Variants in L3MBTL3 observed in about 807,000 individuals in gnomAD.
L3MBTL3 encodes L3MBTL histone methyl-lysine binding protein 3.
Under a neutral mutation model 102.3 loss-of-function variants are expected in L3MBTL3, and 27 were observed. That is an observed-to-expected ratio of 0.26 (90% CI 0.19 to 0.36). The LOEUF is 0.36. Ranked by LOEUF, L3MBTL3 falls within the 10% of genes least tolerant of loss-of-function variation. The pLI is 1.00. For synonymous variants in L3MBTL3, 340 were observed against 320.9 expected, an observed-to-expected ratio of 1.06 and a Z score of -0.64; for missense variants, 798 against 955.3, an observed-to-expected ratio of 0.84 and a Z score of 2.17.
chr6:130,102,376 G>C (rs962687588), intron 18 of L3MBTL3, among the ~76,000 whole-genome samples: 7 of 152,118 alleles, frequency 4.6e-5, no homozygotes, highest in African/African-American at 1.7e-4. Flanking sequence ...TCCAAAAAGA[G>C]AAATAACTTT....
chr6:130,118,708 A>G (rs1476836199), intron 19 of L3MBTL3, among the ~76,000 whole-genome samples: 1 of 152,192 alleles, frequency 6.6e-6, no homozygotes, highest in South Asian at 2.1e-4. Context: ...TATGGGTCCA[A>G]TTTAATGAAG....
intron 2 of L3MBTL3, among the ~76,000 whole-genome samples, chr6:130,034,863 G>T (rs1173610884): frequency 6.6e-6 from 1 of 152,212 alleles, no homozygotes; most frequent in Admixed American, 6.5e-5. Flanking sequence ...ACTCAGGAAT[G>T]GTAGGAACCA....
intron 20 of L3MBTL3, among the ~76,000 whole-genome samples, chr6:130,130,390 A>C (rs1408461171): frequency 6.6e-6 from 1 of 152,182 alleles, no homozygotes; most frequent in Non-Finnish European, 1.5e-5. Flanking sequence ...TATGGCATGC[A>C]CTCAGGATAC....
intron 19 of L3MBTL3, among the ~76,000 whole-genome samples, chr6:130,119,674 T>C (rs142950032): frequency 1.4e-3 from 206 of 152,322 alleles, no homozygotes; most frequent in African/African-American, 4.6e-3. Flanking sequence ...TCAGCAGTTG[T>C]AGCAAGTTGT....
At chr6:130,139,262 T>G (rs1788058802) in intron 22 of L3MBTL3, among the ~76,000 whole-genome samples, 1 of 152,238 alleles carries the variant, frequency 6.6e-6, no homozygotes, top group South Asian at 2.1e-4. Context: ...CTCTTCTAAT[T>G]TTAAAACCTG....
Position 130,049,311 on chromosome 6 carries a change from A to G in L3MBTL3, c.132A>G (p.Glu44=). ...KFRVNEFGAL[E]VITDENEMEN... ...GGGTAAATGAGTTTGGAGCCCTGGA[A>G]GTTATTACAGATGAGAATGAGATGG... Residue 44 remains glutamate (E), a synonymous_variant, in exon 4 of 23, where the codon GAA becomes GAG. Transcript: ENST00000361794. 1.9e-6 allele frequency: 3 copies of G among 1,613,678 alleles called. No homozygotes were observed. The highest frequency in any genetic ancestry group is 2.5e-6 in the Non-Finnish European group (3 of 1,179,642).
chr6:130,113,997 G>A (rs554018885), intron 19 of L3MBTL3, among the ~76,000 whole-genome samples: 6 of 152,170 alleles, frequency 3.9e-5, no homozygotes, highest in Non-Finnish European at 5.9e-5. Context: ...CTTCTGGGCC[G>A]AGAGCTTCAT....
chr6:130,064,884 C>T (rs1252774091), intron 10 of L3MBTL3, among the ~76,000 whole-genome samples: 2 of 152,220 alleles, frequency 1.3e-5, no homozygotes, highest in Admixed American at 6.5e-5. Context: ...AACGGTGTGC[C>T]CACAAGGAAC....
At chr6:130,137,821 T>G (rs999109071) in intron 22 of L3MBTL3, 2 of 152,262 alleles carry the variant, frequency 1.3e-5, no homozygotes, top group Non-Finnish European at 2.9e-5. Context: ...AGGTCTGCCT[T>G]GGTTGAGCGA....
chr6:130,056,930 A>G (rs894189432), intron 8 of L3MBTL3, among the ~76,000 whole-genome samples: 1 of 152,180 alleles, frequency 6.6e-6, no homozygotes, highest in Non-Finnish European at 1.5e-5. Context: ...ACTAATATTA[A>G]CTGCCTCTAT....
At chr6:130,032,931 T>C (rs917307455) in intron 2 of L3MBTL3, among the ~76,000 whole-genome samples, 2 of 152,192 alleles carry the variant, frequency 1.3e-5, no homozygotes, top group Non-Finnish European at 2.9e-5. Context: ...AGGTTGAGGC[T>C]GCCGTGATCC....
intron 9 of L3MBTL3, among the ~76,000 whole-genome samples, chr6:130,057,928 G>A (rs1474857714): frequency 6.6e-6 from 1 of 151,976 alleles, no homozygotes; most frequent in Non-Finnish European, 1.5e-5. Flanking sequence ...TGGATCACGA[G>A]GTCAGGAGAT....
rs988338994 is a variant in L3MBTL3, at chr6:130,042,617, C to T, written c.-15-68C>T. The T allele has an allele frequency of 1.6e-5, 14 of 891,588 alleles. No individual in the cohort carries two copies. The East Asian group carries it at 2.3e-4, about 14-fold the overall frequency. 55.2% of individuals were successfully genotyped at this position (891,588 alleles called of 1,614,324 possible). On this transcript the variant is annotated intron_variant, in intron 2 of 22. Coordinates refer to ENST00000361794, the MANE Select transcript of L3MBTL3 (RefSeq NM_032438.4). ...ATGTAATTAAGGGAAACTGAACTAA[C>T]GAGTACTAAATTAAAAACAGATTTC...
chr6:130,035,784 C>G (rs1278717778), intron 2 of L3MBTL3, among the ~76,000 whole-genome samples: 1 of 151,954 alleles, frequency 6.6e-6, no homozygotes, highest in African/African-American at 2.4e-5. Flanking sequence ...GGCTGGAGAC[C>G]AATAGAAGTT....
chr6:130,033,176 C>T (rs1403534131), intron 2 of L3MBTL3, among the ~76,000 whole-genome samples: 2 of 152,064 alleles, frequency 1.3e-5, no homozygotes, highest in Admixed American at 6.5e-5. Context: ...ATTTGGTTTG[C>T]GCCTATGAAA....
At chr6:130,029,640 C>T (rs1779586511) in intron 2 of L3MBTL3, among the ~76,000 whole-genome samples, 1 of 152,076 alleles carries the variant, frequency 6.6e-6, no homozygotes, top group African/African-American at 2.4e-5. Context: ...TCTTGACTGC[C>T]CTGCTGCCCA....
At chr6:130,078,717 A>T (rs954869357) in intron 14 of L3MBTL3, 83 bp downstream of exon 14, 1 of 939,132 alleles carries the variant, frequency 1.1e-6, no homozygotes, top group East Asian at 2.5e-5. Context: ...CAGATAGTAA[A>T]TATTTTGGCT....
intron 19 of L3MBTL3, among the ~76,000 whole-genome samples, chr6:130,118,019 T>C (rs1785850691): frequency 1.3e-5 from 2 of 152,014 alleles, no homozygotes; most frequent in Non-Finnish European, 1.5e-5. Flanking sequence ...CCTCAATTTT[T>C]ATTTTAAATA....
At chr6:130,037,522 C>CT (rs1780136295) in intron 2 of L3MBTL3, among the ~76,000 whole-genome samples, 1 of 151,972 alleles carries the variant, frequency 6.6e-6, no homozygotes, top group South Asian at 2.1e-4. Flanking sequence ...CATACTAAGT[C>CT]TTAATTCATT....
Sources: gnomAD v4.1 joint callset for allele counts (sites outside exome capture counted in the v4.1 genomes callset) on GRCh38, gnomAD v4.1.1 for gene constraint, MANE v1.5 for transcripts, NCBI Gene and HGNC (gene_info 2026-07-23, HGNC 2026-07-21) for gene names.